WNT16: variants seen among roughly 807,000 people sequenced by gnomAD.
WNT16 encodes the protein Wnt family member 16.
Under a neutral mutation model 35.4 loss-of-function variants are expected in WNT16, and 20 were observed. That is an observed-to-expected ratio of 0.56 (90% CI 0.40 to 0.82). The LOEUF is 0.82. WNT16 is among the 40% of genes least tolerant of loss of function. WNT16 has a pLI of 0.00. For missense variants in WNT16, 461 were observed against 466.0 expected, an observed-to-expected ratio of 0.99 and a Z score of 0.10; for synonymous variants, 180 against 179.2, an observed-to-expected ratio of 1.00 and a Z score of -0.03.
intron 1 of WNT16, 86 bp from the exon 2 acceptor site, chr7:121,329,481 G>A (rs1793301630): frequency 2.5e-6 from 4 of 1,593,884 alleles, no homozygotes; most frequent in African/African-American, 1.3e-5. Flanking sequence ...GAGAAGGGCG[G>A]GGACCCTTAG....
In WNT16 at chr7:121,339,742, G is replaced by A. The variant is rs960287939; in HGVS notation, c.*397G>A. On this transcript the variant is annotated 3_prime_UTR_variant, in exon 4 of 4. Transcript: ENST00000222462. Reference sequence around the variant, plus strand: ...ACTCAATAATGGTGGGTGAACATTAGTCATTTTTAAAAGACACCTCTTATA... The same window carrying A: ...ACTCAATAATGGTGGGTGAACATTAATCATTTTTAAAAGACACCTCTTATA... The A allele has an allele frequency of 3.1e-5, 11 of 354,690 alleles. No individual in the cohort carries two copies. The highest frequency in any genetic ancestry group is 1.9e-4 in the African/African-American group (9 of 47,756). 22.0% of individuals were successfully genotyped at this position (354,690 alleles called of 1,614,324 possible).
rs17143291 is a variant in WNT16, at chr7:121,329,771, C to T, written c.300C>T (p.Thr100=). ...GCATGATCACCGCCGCCGCCACTAC[C>T]GCCCCGATGGGCGCCAGCCCCCTCT... is the stretch of plus-strand genomic sequence containing the variant. The part of the protein sequence containing the change: ...WNCMITAAAT[T]APMGASPLFG... Residue 100 remains threonine (T), a synonymous_variant, in exon 2 of 4, where the codon ACC becomes ACT. Transcript: ENST00000222462. 2.5e-6 allele frequency: 4 copies of T among 1,608,704 alleles called. No homozygotes were observed. The highest frequency in any genetic ancestry group is 3.4e-6 in the Non-Finnish European group (4 of 1,180,024).
upstream of WNT16, among the ~76,000 whole-genome samples, chr7:121,327,239 T>G (rs1793259661): frequency 6.6e-6 from 1 of 152,102 alleles, no homozygotes; most frequent in East Asian, 1.9e-4. Context: ...TAGTGTACAC[T>G]CAATAAACAT....
upstream of WNT16, among the ~76,000 whole-genome samples, chr7:121,328,851 G>GC (rs1056114226): frequency 3.9e-5 from 6 of 152,144 alleles, no homozygotes; most frequent in Non-Finnish European, 8.8e-5. Context: ...TGCCCGGAGC[G>GC]CCCCCCGCGG....
chr7:121,328,130 G>T (rs2116829536), upstream of WNT16, among the ~76,000 whole-genome samples: 1 of 152,326 alleles, frequency 6.6e-6, no homozygotes, highest in East Asian at 1.9e-4. Context: ...GTGTAGCCCT[G>T]TCCTGCAGGG....
chr7:121,341,050 C>T lies in WNT16; in HGVS notation c.*1705C>T, dbSNP rs1490070065. On this transcript the variant is annotated 3_prime_UTR_variant, in exon 4 of 4. Transcript: ENST00000222462. ...AACAATTTTTGAAAAAGAGCAAACC[C>T]ATGGAAAATGTCTCAGATCTAATAT... 1 of 152,046 alleles carries T rather than the reference C, an allele frequency of 6.6e-6. No homozygotes were observed. The highest frequency in any genetic ancestry group is 1.5e-5 in the Non-Finnish European group (1 of 67,988). The allele number at this position is 152,046 out of a possible 1,614,324, so 9.4% of individuals were successfully genotyped here.
chr7:121,339,332 A>G lies in WNT16; in HGVS notation c.1085A>G (p.His362Arg). ...AGGTGTGAAAGCATGACTGATGTCC[A>G]CACTTGCAAGTAACCACTCCATCCA... ...CRRCESMTDV[H>R]TCK Residue 362 changes from histidine to arginine, a missense_variant, in exon 4 of 4, where the codon CAC becomes CGC. Transcript: ENST00000222462. 1.9e-6 allele frequency: 3 copies of G among 1,612,058 alleles called. No individual in the cohort carries two copies. Among genetic ancestry groups the G allele is most frequent in the Non-Finnish European group, 2.5e-6 (3 of 1,179,352 alleles).
chr7:121,329,881 GC>G, intron 2 of WNT16, 64 bp downstream of exon 2: 2 of 1,572,918 alleles, frequency 1.3e-6, no homozygotes, highest in Non-Finnish European at 8.6e-7. Context: ...ACCGGTTCCT[GC>G]AAATAAAGTA....
intron 3 of WNT16, among the ~76,000 whole-genome samples, chr7:121,336,826 G>T (rs73217398): frequency 1.7e-4 from 26 of 152,180 alleles, no homozygotes; most frequent in Admixed American, 9.8e-4. Flanking sequence ...ACTAATAAAA[G>T]AAAAAATCGG....
At chr7:121,328,483 G>T (rs1010170840), upstream of WNT16, among the ~76,000 whole-genome samples, 12 of 152,186 alleles carry the variant, frequency 7.9e-5, no homozygotes, top group African/African-American at 2.9e-4. Flanking sequence ...GTGATTGTAA[G>T]CCTGACAGCA....
chr7:121,338,993 TG>T lies in WNT16; in HGVS notation c.747del (p.Lys250ArgfsTer46). The T allele has an allele frequency of 2.5e-6, 4 of 1,614,076 alleles. No homozygotes were observed. The Middle Eastern group carries it at 6.6e-4, about 266-fold the overall frequency. ...MSSFEKIGHL[L>X]KDKYENSIQI... is the part of the protein sequence containing the mutation. The stretch of plus-strand genomic sequence containing the variant: ...TCTTTTGAAAAGATTGGCCATTTGT[TG>T]AAGGATAAATATGAAAACAGTATCC... On this transcript the variant is annotated frameshift_variant, in exon 4 of 4. Transcript: ENST00000222462. LOFTEE classifies it high-confidence loss of function.
At chr7:121,327,064 T>C (rs574315308), upstream of WNT16, among the ~76,000 whole-genome samples, 1 of 152,236 alleles carries the variant, frequency 6.6e-6, no homozygotes, top group Non-Finnish European at 1.5e-5. Flanking sequence ...GAATCCGCCA[T>C]TGTCCCTCTT....
chr7:121,331,982 G>A lies in WNT16; in HGVS notation c.633+18G>A, dbSNP rs763856465. ...GAAGGCAGGTATGTATTAGAAAATG[G>A]AATAATCAAAACCCAGTGCTGTTAG... is the stretch of plus-strand genomic sequence containing the variant. On this transcript the variant is annotated intron_variant, in intron 3 of 3. Transcript: ENST00000222462. 4.8e-5 allele frequency: 77 copies of A among 1,611,290 alleles called. No individual in the cohort carries two copies. Among genetic ancestry groups the A allele is most frequent in the Non-Finnish European group, 6.3e-5 (74 of 1,178,106 alleles).
At chr7:121,333,328 A>G (rs953527171) in intron 3 of WNT16, among the ~76,000 whole-genome samples, 10 of 151,998 alleles carry the variant, frequency 6.6e-5, no homozygotes, top group Admixed American at 2.6e-4. Context: ...CAAAAACAGA[A>G]AAGTCGGTAA....
chr7:121,332,929 A>G (rs983682838), intron 3 of WNT16, among the ~76,000 whole-genome samples: 28 of 152,054 alleles, frequency 1.8e-4, no homozygotes, highest in African/African-American at 6.3e-4. Context: ...TTTGACTTAT[A>G]CATATTCACA....
At chr7:121,327,334 T>C (rs1793260522), upstream of WNT16, among the ~76,000 whole-genome samples, 1 of 149,672 alleles carries the variant, frequency 6.7e-6, no homozygotes, top group African/African-American at 2.4e-5. Context: ...GATAAGCAGC[T>C]AATGCTATCT....
At chr7:121,330,707 G>A (rs1793330569) in intron 2 of WNT16, among the ~76,000 whole-genome samples, 1 of 104,362 alleles carries the variant, frequency 9.6e-6, no homozygotes, top group Non-Finnish European at 1.8e-5. Flanking sequence ...CCTGGTCCCC[G>A]TAGAGAGAAA....
At chr7:121,325,505 A>G (rs780282066), upstream of WNT16, 6 of 1,606,198 alleles carry the variant, frequency 3.7e-6, no homozygotes, top group Non-Finnish European at 5.1e-6. Flanking sequence ...TTTTTGGAGA[A>G]CAAAACAACT....
At chr7:121,336,393 G>A (rs1397223037) in intron 3 of WNT16, among the ~76,000 whole-genome samples, 1 of 152,082 alleles carries the variant, frequency 6.6e-6, no homozygotes, top group African/African-American at 2.4e-5. Context: ...TGTCATCACT[G>A]AAAAATTATA....
Sources: gnomAD v4.1 joint callset for allele counts (sites outside exome capture counted in the v4.1 genomes callset) on GRCh38, gnomAD v4.1.1 for gene constraint, MANE v1.5 for transcripts, NCBI Gene and HGNC (gene_info 2026-07-23, HGNC 2026-07-21) for gene names.